Variants in NCOR2 observed in about 807,000 individuals in gnomAD.
NCOR2 encodes CTG repeat protein 26.
Under a neutral mutation model 262.9 loss-of-function variants are expected in NCOR2, and 81 were observed. The ratio of observed to expected loss-of-function variants is 0.31; its 90% CI spans 0.26 to 0.37. The LOEUF is 0.37. NCOR2 is among the 10% of genes least tolerant of loss of function. The pLI, the probability that NCOR2 is intolerant of heterozygous loss-of-function variation, is 1.00. For missense variants in NCOR2, 3,385 were observed against 3,621.4 expected (o/e 0.93, Z 1.68); for synonymous variants, 1,659 against 1,559.3 (o/e 1.06, Z -1.51).
chr12:124,418,068 A>G (rs2043004906), intron 13 of NCOR2, among the ~76,000 whole-genome samples: 1 of 152,008 alleles, frequency 6.6e-6, no homozygotes, highest in Non-Finnish European at 1.5e-5. Context: ...CTCAAAAAAA[A>G]AAAAAAACAA....
chr12:124,396,114 G>A (rs2041639246), intron 16 of NCOR2, among the ~76,000 whole-genome samples: 1 of 152,172 alleles, frequency 6.6e-6, no homozygotes, highest in Non-Finnish European at 1.5e-5. Context: ...CATTGGAAAC[G>A]CCCAGAACAG....
chr12:124,419,473 C>G (rs1314165568), intron 13 of NCOR2, among the ~76,000 whole-genome samples: 2 of 152,202 alleles, frequency 1.3e-5, no homozygotes, highest in Non-Finnish European at 2.9e-5. Context: ...CAGTCTCATC[C>G]CAAGCAACGG....
At chr12:124,484,266 G>A (rs549064826) in intron 2 of NCOR2, among the ~76,000 whole-genome samples, 4 of 152,332 alleles carry the variant, frequency 2.6e-5, no homozygotes, top group East Asian at 1.9e-4. Flanking sequence ...ATCGCTGGCC[G>A]ATCGCAGAAC....
At chr12:124,556,850 CA>C (rs11309290) in intron 1 of NCOR2, among the ~76,000 whole-genome samples, 44,564 of 128,742 alleles carry the variant, frequency 0.35, 6,822 homozygotes, top group African/African-American at 0.44. Flanking sequence ...CTCTTTGTCT[CA>C]AAAAAAAAAA....
intron 6 of NCOR2, among the ~76,000 whole-genome samples, chr12:124,451,706 C>G (rs2136513254): frequency 6.6e-6 from 1 of 152,252 alleles, no homozygotes; most frequent in South Asian, 2.1e-4. Context: ...TCAGATGGAA[C>G]AGGGAAGGAT....
chr12:124,419,994 A>G (rs769275779), exon 13 of NCOR2: 2 of 1,614,008 alleles, frequency 1.2e-6, no homozygotes, highest in Non-Finnish European at 8.5e-7. Flanking sequence ...CCGTCTCACC[A>G]GGCTCTTATA....
At chr12:124,470,457 T>G (rs935336149) in intron 4 of NCOR2, among the ~76,000 whole-genome samples, 2 of 152,112 alleles carry the variant, frequency 1.3e-5, no homozygotes, top group Non-Finnish European at 2.9e-5. Flanking sequence ...TGGCCACAGA[T>G]GATGAAATAA....
chr12:124,340,511 T>G, intron 35 of NCOR2, 68 bp from the exon 38 acceptor site: 1 of 1,574,582 alleles, frequency 6.4e-7, no homozygotes, highest in South Asian at 1.1e-5. Context: ...TCTTCTGGGG[T>G]GGGAAAGAGA....
At chr12:124,339,363 G>C (rs1030861317) in intron 37 of NCOR2, among the ~76,000 whole-genome samples, 2 of 91,188 alleles carry the variant, frequency 2.2e-5, no homozygotes, top group Non-Finnish European at 4.0e-5. Flanking sequence ...TATCCTCTTA[G>C]CCACCTACCT....
At chr12:124,338,203 G>A (rs573945884) in intron 37 of NCOR2, among the ~76,000 whole-genome samples, 2 of 152,324 alleles carry the variant, frequency 1.3e-5, no homozygotes, top group South Asian at 4.1e-4. Flanking sequence ...GGAGGAGTAA[G>A]TTGCCTCTAA....
rs1190114286 is a variant in NCOR2, at chr12:124,503,075, G to A, written c.-117-7707C>T. 2.6e-5 allele frequency among the ~76,000 whole-genome samples: 4 copies of A among 152,236 alleles called. No homozygotes were observed. The East Asian group carries it at 5.8e-4, about 22-fold the overall frequency. The stretch of plus-strand genomic sequence containing the variant: ...GTCAAATACTAAGAGCTCAATCCCG[G>A]GTGCCACCCACAAGGGTGCGGTCTG... On this transcript the variant is annotated intron_variant, in intron 1 of 46. Transcript: ENST00000404621. This position sits in a 1 kb window ranked among gnomAD's most constrained non-coding sequence, Gnocchi z 4.3.
intron 16 of NCOR2, among the ~76,000 whole-genome samples, chr12:124,387,490 C>G (rs2040900869): frequency 6.6e-6 from 1 of 152,258 alleles, no homozygotes; most frequent in Non-Finnish European, 1.5e-5. Flanking sequence ...AGAGGACCAG[C>G]CAAGGGGGGC....
exon 47 of NCOR2, chr12:124,325,209 C>G: frequency 2.5e-6 from 1 of 406,890 alleles, no homozygotes; most frequent in Non-Finnish European, 4.4e-6. Flanking sequence ...CAGGGCCAGC[C>G]CGGGGCGGGA....
chr12:124,341,475 T>A (rs11057588), intron 34 of NCOR2, among the ~76,000 whole-genome samples: 21,255 of 152,074 alleles, frequency 0.14, 2,268 homozygotes, highest in East Asian at 0.37. Flanking sequence ...CTGACCTTGT[T>A]ATCCACCTGC....
chr12:124,366,441 G>A (rs142122988), intron 20 of NCOR2, among the ~76,000 whole-genome samples: 4 of 152,282 alleles, frequency 2.6e-5, no homozygotes, highest in African/African-American at 9.6e-5. Context: ...GAGGAGGGAG[G>A]ATAGGGGTGA....
chr12:124,389,889 C>A lies in NCOR2; in HGVS notation c.1877-4002G>T, dbSNP rs1185779099. On this transcript the variant is annotated intron_variant, in intron 16 of 46. Transcript: ENST00000405201. This position sits in a 1 kb window ranked among gnomAD's most constrained non-coding sequence, Gnocchi z 4.4. ...AACACTGTGGGAAATGCCGGGGAGC[C>A]ACCCAGAAGGTTGAAAGTTAACTGA... 6.6e-6 allele frequency among the ~76,000 whole-genome samples: 1 copy of A among 152,158 alleles called. No homozygotes were observed. The highest frequency in any genetic ancestry group is 1.5e-5 in the Non-Finnish European group (1 of 68,016).
chr12:124,482,469 G>A lies in NCOR2; in HGVS notation c.411+1127C>T, dbSNP rs1225196939. On this transcript the variant is annotated intron_variant, in intron 3 of 46. Transcript: ENST00000405201. This position sits in a 1 kb window ranked among gnomAD's most constrained non-coding sequence, Gnocchi z 6.3. The stretch of plus-strand genomic sequence containing the variant: ...AGTCTGGCCCAGGTGGCCTGGCCCC[G>A]CAGCCAGACCACCACCCATGCCGGC... Among the ~76,000 whole-genome samples, 5 of 152,100 alleles carry A rather than the reference G, an allele frequency of 3.3e-5. No individual in the cohort carries two copies. The highest frequency in any genetic ancestry group is 2.0e-4 in the Admixed American group (3 of 15,284).
At chr12:124,350,630 G>T (rs762053857) in exon 28 of NCOR2, 1 of 1,613,950 alleles carries the variant, frequency 6.2e-7, no homozygotes, top group South Asian at 1.1e-5. Flanking sequence ...CGTAGATGAC[G>T]TGGCCCTTGG....
intron 17 of NCOR2, among the ~76,000 whole-genome samples, chr12:124,381,030 G>C (rs2040373563): frequency 1.3e-5 from 2 of 152,124 alleles, no homozygotes; most frequent in Non-Finnish European, 2.9e-5. Context: ...TACTGGACCT[G>C]CACAGCTGCT....
Sources: gnomAD v4.1 joint callset for allele counts (sites outside exome capture counted in the v4.1 genomes callset) on GRCh38, gnomAD v4.1.1 for gene constraint, Gnocchi (gnomAD v3.1) non-coding constraint, MANE v1.5 for transcripts, NCBI Gene and HGNC (gene_info 2026-07-23, HGNC 2026-07-21) for gene names.